Variants in DOT1L observed in about 807,000 individuals in gnomAD.
DOT1L encodes DOT1 like histone lysine methyltransferase.
A neutral mutation model predicts 153.3 loss-of-function variants in DOT1L; 33 were observed. The observed-to-expected ratio is 0.22, with a 90% confidence interval of 0.16 to 0.29. DOT1L has a LOEUF of 0.29. Ranked by LOEUF, DOT1L falls within the 10% of genes least tolerant of loss-of-function variation. The pLI is 1.00. For synonymous variants in DOT1L, 1,135 were observed against 965.1 expected (o/e 1.18, Z -3.26); for missense variants, 1,847 against 2,119.9 (o/e 0.87, Z 2.53).
chr19:2,196,855 G>A (rs948947217), intron 7 of DOT1L, among the ~76,000 whole-genome samples: 5 of 152,308 alleles, frequency 3.3e-5, no homozygotes, highest in Middle Eastern at 3.4e-3. Context: ...TGTTAGCGGC[G>A]GGCTCGTGTG....
intron 2 of DOT1L, among the ~76,000 whole-genome samples, chr19:2,183,462 A>T (rs931075322): frequency 6.6e-6 from 1 of 151,754 alleles, no homozygotes; most frequent in Non-Finnish European, 1.5e-5. Context: ...TTTAAAGATG[A>T]TTGGGCTGTC....
At chr19:2,180,848 C>A in intron 2 of DOT1L, 92 bp downstream of exon 2, 1 of 1,494,568 alleles carries the variant, frequency 6.7e-7, no homozygotes, top group Non-Finnish European at 9.2e-7. Context: ...GGGGATGGCT[C>A]CTGCAGGGGT....
At chr19:2,225,759 T>C (rs2024303381) in intron 26 of DOT1L, among the ~76,000 whole-genome samples, 1 of 152,164 alleles carries the variant, frequency 6.6e-6, no homozygotes, top group Non-Finnish European at 1.5e-5. Flanking sequence ...CCCTGTTTGC[T>C]TTGCACCCTG....
In DOT1L at chr19:2,189,926, G is replaced by T; in HGVS notation, c.264+131G>T. ...CCTGGGGATTGGAATGTGCAGCGTG[G>T]GGGGACGATGGGCTGTGGGTGAGTG... On this transcript the variant is annotated intron_variant, in intron 4 of 27. Coordinates refer to ENST00000398665, the MANE Select transcript of DOT1L (RefSeq NM_032482.3). 1.8e-5 allele frequency: 18 copies of T among 1,003,030 alleles called. No homozygotes were observed. The South Asian group carries it at 2.5e-4, about 14-fold the overall frequency. 62.1% of individuals were successfully genotyped at this position (1,003,030 alleles called of 1,614,324 possible). A position where few individuals can be genotyped will look rare whatever the true frequency, so the allele number is the denominator to read the frequency against.
rs907093897 is a variant in DOT1L, at chr19:2,231,195, T to A, written c.*1403T>A. On this transcript the variant is annotated 3_prime_UTR_variant, in exon 28 of 28. Coordinates refer to ENST00000398665, the MANE Select transcript of DOT1L (RefSeq NM_032482.3). Reference sequence around the variant, plus strand: ...GAGGATGGGATCTGGGAGTCTGAGCTCCCCGCATCTGGCCCTGGGCTGTGT... The same window carrying A: ...GAGGATGGGATCTGGGAGTCTGAGCACCCCGCATCTGGCCCTGGGCTGTGT... The A allele has an allele frequency of 1.8e-5, 4 of 227,408 alleles. No individual in the cohort carries two copies. The highest frequency in any genetic ancestry group is 3.5e-5 in the Non-Finnish European group (4 of 114,462). The allele number at this position is 227,408 out of a possible 1,614,324, so 14.1% of individuals were successfully genotyped here.
rs1277660038 is a variant in DOT1L, at chr19:2,229,830, T to TGTGGACCAACTCGCGCCC, written c.*40_*57dup. On this transcript the variant is annotated 3_prime_UTR_variant, in exon 28 of 28. Transcript: ENST00000398665. ...AACCGCGAGACCTATGCAAGGACGG[T>TGTGGACCAACTCGCGCCC]GTGGACCAACTCGCGCCCGCGGCAT... is the stretch of plus-strand genomic sequence containing the variant. 6.2e-7 allele frequency: 1 copy of TGTGGACCAACTCGCGCCC among 1,612,896 alleles called. No homozygotes were observed. Among genetic ancestry groups the TGTGGACCAACTCGCGCCC allele is most frequent in the East Asian group, 2.2e-5 (1 of 44,876 alleles).
intron 12 of DOT1L, among the ~76,000 whole-genome samples, chr19:2,209,986 A>G (rs1240643264): frequency 2.0e-5 from 3 of 152,172 alleles, no homozygotes; most frequent in Non-Finnish European, 2.9e-5. Flanking sequence ...GAACTTGTGC[A>G]TGGCGTCCCA....
intron 27 of DOT1L, chr19:2,227,911 C>A: frequency 8.3e-7 from 1 of 1,201,866 alleles, no homozygotes; most frequent in Non-Finnish European, 1.1e-6. Context: ...CCGCCCCCTC[C>A]GCCTCCGCCT....
At chr19:2,228,239 C>T (rs757537738) in intron 27 of DOT1L, 8 of 1,362,616 alleles carry the variant, frequency 5.9e-6, no homozygotes, top group Middle Eastern at 4.2e-4. Flanking sequence ...TGGCCCAGGC[C>T]GCGCCCGGGA....
chr19:2,223,157 C>G, intron 24 of DOT1L, 124 bp from the exon 25 acceptor site: 4 of 1,025,318 alleles, frequency 3.9e-6, no homozygotes, highest in Non-Finnish European at 5.8e-6. Context: ...GGCCGCTGGG[C>G]AGGGCATCAG....
chr19:2,209,083 CCTG>C, intron 12 of DOT1L, 107 bp downstream of exon 12: 1 of 1,301,540 alleles, frequency 7.7e-7, no homozygotes, highest in Non-Finnish European at 1.1e-6. Flanking sequence ...GGAGCACAGC[CCTG>C]CCGCCCCTCG....
Position 2,208,804 on chromosome 19 carries a change from C to A in DOT1L, c.964-131C>A. On this transcript the variant is annotated intron_variant, in intron 11 of 27. Transcript: ENST00000398665. The surrounding 1 kb of genome is among the most constrained non-coding windows in gnomAD (Gnocchi z 4.4). Reference sequence around the variant, plus strand: ...GCCACTGGGGGGCTCTAGCTGCATGCCTGCTGTCCCCAGATACCAGAACAG... The same window carrying A: ...GCCACTGGGGGGCTCTAGCTGCATGACTGCTGTCCCCAGATACCAGAACAG... 1 of 913,136 alleles carries A rather than the reference C, an allele frequency of 1.1e-6. No individual in the cohort carries two copies. Among genetic ancestry groups the A allele is most frequent in the Non-Finnish European group, 1.7e-6 (1 of 588,392 alleles). The allele number at this position is 913,136 out of a possible 1,614,324, so 56.6% of individuals were successfully genotyped here.
chr19:2,181,325 CAT>C (rs1256904115), intron 2 of DOT1L, among the ~76,000 whole-genome samples: 4 of 152,336 alleles, frequency 2.6e-5, no homozygotes, highest in Middle Eastern at 3.4e-3. Flanking sequence ...ACGGAGGCCA[CAT>C]GTGTCCATGT....
At position 2,201,498 on chromosome 19, in the gene DOT1L, G is replaced by A. The variant is rs868166582; in HGVS notation, c.708-1202G>A. Among the ~76,000 whole-genome samples the A allele has an allele frequency of 8.5e-5, 13 of 152,314 alleles. 1 individual carries two copies. In the Middle Eastern group the frequency reaches 0.027, roughly 319 times the overall value. On this transcript the variant is annotated intron_variant, in intron 8 of 27. Coordinates refer to ENST00000398665, the MANE Select transcript of DOT1L (RefSeq NM_032482.3). Reference sequence around the variant, plus strand: ...GAGTGTCCCCCATGGGCAGGGTTTGGGGAACAAGTAGAAAATGGGGGTTTC... The same window carrying A: ...GAGTGTCCCCCATGGGCAGGGTTTGAGGAACAAGTAGAAAATGGGGGTTTC...
In DOT1L at chr19:2,222,656, T is replaced by C; in HGVS notation, c.3390+97T>C. 8.1e-7 allele frequency: 1 copy of C among 1,236,776 alleles called. No homozygotes were observed. The highest frequency in any genetic ancestry group is 1.1e-6 in the Non-Finnish European group (1 of 917,412). 76.6% of individuals were successfully genotyped at this position (1,236,776 alleles called of 1,614,324 possible). On this transcript the variant is annotated intron_variant, in intron 24 of 27. Coordinates refer to ENST00000398665, the MANE Select transcript of DOT1L (RefSeq NM_032482.3). The surrounding 1 kb of genome is among the most constrained non-coding windows in gnomAD (Gnocchi z 6.5). Reference sequence around the variant, plus strand: ...TGGCTCACGCCTGTAATCCCAGCATTTTGGGAGGCCGAGGCGGGTGGATCA... The same window carrying C: ...TGGCTCACGCCTGTAATCCCAGCATCTTGGGAGGCCGAGGCGGGTGGATCA...
At chr19:2,199,747 G>T (rs190063865) in intron 7 of DOT1L, 137 bp from the exon 8 acceptor site, 1 of 1,173,798 alleles carries the variant, frequency 8.5e-7, no homozygotes, top group South Asian at 1.5e-5. Context: ...GGCTGCAGCC[G>T]GTGGGGCCTG....
rs1424822653 is a variant in DOT1L at position 2,226,455 on chromosome 19, C to T, written c.3934C>T (p.Pro1312Ser). 41 of 1,601,816 alleles carry T rather than the reference C, an allele frequency of 2.6e-5. No homozygotes were observed. The highest frequency in any genetic ancestry group is 3.4e-5 in the Non-Finnish European group (40 of 1,179,540). Residue 1312 changes from proline (P) to serine (S), a missense_variant, in exon 27 of 28, where the codon CCT becomes TCT. Around this residue, in one of 8 missense-constraint regions of DOT1L, gnomAD observed 934 missense variants for 825.3 expected, o/e 1.13. Transcript: ENST00000398665. ...GADGLSPGTN[P>S]ANGCTFGGGL... ...TGACGGACTCAGCCCGGGCACCAAC[C>T]CTGCCAACGGCTGCACCTTCGGCGG...
At chr19:2,188,870 G>A (rs945193006) in intron 3 of DOT1L, among the ~76,000 whole-genome samples, 5 of 152,182 alleles carry the variant, frequency 3.3e-5, no homozygotes, top group Non-Finnish European at 7.3e-5. Flanking sequence ...GCCCCTCTGA[G>A]CCCAGGCCTG....
At position 2,232,144 on chromosome 19, in the gene DOT1L, G is replaced by C. The variant is rs1356700309; in HGVS notation, c.*2352G>C. The C allele has an allele frequency of 9.0e-6, 2 of 223,344 alleles. No homozygotes were observed. The highest frequency in any genetic ancestry group is 1.4e-3 in the Middle Eastern group (1 of 728). 13.8% of individuals were successfully genotyped at this position (223,344 alleles called of 1,614,324 possible). A position where few individuals can be genotyped will look rare whatever the true frequency, so the allele number is the denominator to read the frequency against. ...TTCCGTGGGCAGCTGGCGGGGACCT[G>C]TGCTGCTGCTGCTGACTGTGGGTGG... On this transcript the variant is annotated 3_prime_UTR_variant, in exon 28 of 28. Transcript: ENST00000398665.
Sources: gnomAD v4.1 joint callset for allele counts (sites outside exome capture counted in the v4.1 genomes callset) on GRCh38, gnomAD v4.1.1 for gene constraint, gnomAD v4.1.1 regional missense constraint, Gnocchi (gnomAD v3.1) non-coding constraint, MANE v1.5 for transcripts, NCBI Gene and HGNC (gene_info 2026-07-23, HGNC 2026-07-21) for gene names.